The following GK5 variants were observed in gnomAD, a reference collection of about 807,000 sequenced individuals.
GK5 encodes glycerol kinase 5, also known as ATP:glycerol 3-phosphotransferase 5.
GK5 carries 39 observed loss-of-function variants against 77.3 expected under a neutral mutation model. The observed-to-expected ratio is 0.50, with a 90% CI of 0.39 to 0.66. The LOEUF (loss-of-function observed/expected upper bound fraction) is 0.66, where lower values mean the gene tolerates loss of function less well. GK5 is among the 30% of genes least tolerant of loss of function. The probability of loss-of-function intolerance (pLI) is 0.00; values close to 1 mark genes in which losing one functional copy is unlikely to be tolerated. For missense variants in GK5, 487 were observed against 633.8 expected (o/e 0.77, Z 2.49); for synonymous variants, 211 against 208.0 (o/e 1.01, Z -0.13).
At chr3:142,177,292 C>G (rs1464782659) in intron 12 of GK5, among the ~76,000 whole-genome samples, 190 bp downstream of exon 12, 1 of 152,220 alleles carries the variant, frequency 6.6e-6, no homozygotes, top group Non-Finnish European at 1.5e-5. Context: ...GGGCCACATT[C>G]AGGATGCTCT....
At chr3:142,201,457 T>A (rs1424893873) in intron 4 of GK5, among the ~76,000 whole-genome samples, 3 of 152,140 alleles carry the variant, frequency 2.0e-5, no homozygotes, top group Admixed American at 2.0e-4. Context: ...GAGGACAGAT[T>A]AGTGGTTGCC....
chr3:142,223,767 G>C (rs1577159839), intron 1 of GK5, among the ~76,000 whole-genome samples: 1 of 152,334 alleles, frequency 6.6e-6, no homozygotes, highest in South Asian at 2.1e-4. Flanking sequence ...GAACCTAGGA[G>C]GCAGAGGTTG....
At chr3:142,185,894 C>T in intron 9 of GK5, 35 bp downstream of exon 9, 5 of 1,571,756 alleles carry the variant, frequency 3.2e-6, no homozygotes, top group Admixed American at 1.8e-5. Flanking sequence ...TTAGTTTATA[C>T]TATACAAAGG....
chr3:142,190,353 T>C (rs1303178268), intron 5 of GK5, among the ~76,000 whole-genome samples: 3 of 152,092 alleles, frequency 2.0e-5, no homozygotes, highest in Non-Finnish European at 4.4e-5. Context: ...AGTCATTACT[T>C]ACATCCTCAC....
intron 1 of GK5, among the ~76,000 whole-genome samples, chr3:142,219,533 C>G (rs923270689): frequency 5.3e-5 from 8 of 152,088 alleles, no homozygotes; most frequent in Non-Finnish European, 1.2e-4. Flanking sequence ...GACTGTGTTA[C>G]GGAAAACAGA....
At chr3:142,173,061 G>A (rs2063559634) in intron 12 of GK5, 26 of 289,648 alleles carry the variant, frequency 9.0e-5, no homozygotes, top group South Asian at 8.4e-4. Flanking sequence ...AATATTAGCT[G>A]GGTGTGATAC....
intron 5 of GK5, among the ~76,000 whole-genome samples, chr3:142,196,342 T>C (rs1398395321): frequency 1.3e-5 from 2 of 151,986 alleles, no homozygotes; most frequent in Non-Finnish European, 2.9e-5. Context: ...TCTTTCCTTC[T>C]GCTTGTTTTG....
At chr3:142,206,126 C>T (rs747649247) in intron 3 of GK5, among the ~76,000 whole-genome samples, 9 of 152,128 alleles carry the variant, frequency 5.9e-5, no homozygotes, top group South Asian at 2.1e-4. Context: ...AATATTTCAA[C>T]GTATTTATAT....
chr3:142,196,126 G>T (rs1018398656), intron 5 of GK5, among the ~76,000 whole-genome samples: 16 of 151,898 alleles, frequency 1.1e-4, no homozygotes, highest in African/African-American at 3.9e-4. Flanking sequence ...ACTTGTTCAT[G>T]GTATTGCCTA....
chr3:142,199,395 T>G (rs902083802), intron 4 of GK5, among the ~76,000 whole-genome samples: 4 of 152,122 alleles, frequency 2.6e-5, no homozygotes, highest in African/African-American at 9.7e-5. Context: ...AGTAATAACA[T>G]CTATATAAAG....
At chr3:142,202,741 G>A (rs1577138409) in intron 4 of GK5, among the ~76,000 whole-genome samples, 1 of 152,158 alleles carries the variant, frequency 6.6e-6, no homozygotes, top group East Asian at 1.9e-4. Flanking sequence ...CGGATCACGT[G>A]AGGCTAGGAG....
chr3:142,206,062 G>C (rs2107792406), intron 3 of GK5, among the ~76,000 whole-genome samples: 1 of 152,206 alleles, frequency 6.6e-6, no homozygotes, highest in South Asian at 2.1e-4. Flanking sequence ...TAGCTTTCTA[G>C]ATTGATCCAT....
Position 142,162,587 on chromosome 3 carries a change from C to G in GK5, c.*3035G>C, listed in dbSNP as rs993225688. ...ATTCTCTTCCTTTATCAGACAGTTGCAGACCTTCTAAAAATATCTGATAGA... is the reference window on the plus strand; with the variant it reads ...ATTCTCTTCCTTTATCAGACAGTTGGAGACCTTCTAAAAATATCTGATAGA... On this transcript the variant is annotated 3_prime_UTR_variant, in exon 16 of 16. Transcript: ENST00000392993. 2.6e-5 allele frequency: 4 copies of G among 152,148 alleles called. No individual in the cohort carries two copies. Among genetic ancestry groups the G allele is most frequent in the African/African-American group, 4.8e-5 (2 of 41,432 alleles). 9.4% of individuals were successfully genotyped at this position (152,148 alleles called of 1,614,324 possible).
At chr3:142,190,015 C>CCACA (rs2063826742) in intron 5 of GK5, among the ~76,000 whole-genome samples, 1 of 152,092 alleles carries the variant, frequency 6.6e-6, no homozygotes, top group Non-Finnish European at 1.5e-5. Context: ...AAAAGACAGT[C>CCACA]CACAGTCCAT....
Position 142,160,812 on chromosome 3 carries a change from G to C in GK5, c.*4810C>G, listed in dbSNP as rs1464779107. The C allele has an allele frequency of 6.6e-6, 1 of 152,096 alleles. No individual in the cohort carries two copies. 9.4% of individuals were successfully genotyped at this position (152,096 alleles called of 1,614,324 possible). ...TAGCTCATAGCACCCTCAAACTCCT[G>C]TGTTCAAGCGATTCTCCTGCTTCGG... On this transcript the variant is annotated 3_prime_UTR_variant, in exon 16 of 16. Transcript: ENST00000392993.
chr3:142,221,155 G>A (rs1219710983), intron 1 of GK5, among the ~76,000 whole-genome samples: 2 of 152,076 alleles, frequency 1.3e-5, no homozygotes, highest in African/African-American at 4.8e-5. Context: ...GACAATATGG[G>A]GAGTATAAGT....
intron 5 of GK5, among the ~76,000 whole-genome samples, chr3:142,191,264 G>C (rs899421114): frequency 6.6e-6 from 1 of 151,868 alleles, no homozygotes. Context: ...TCCTGACCTC[G>C]TGATCCGCCC....
chr3:142,212,234 G>T (rs1286557152), intron 3 of GK5, among the ~76,000 whole-genome samples: 1 of 152,046 alleles, frequency 6.6e-6, no homozygotes, highest in East Asian at 1.9e-4. Flanking sequence ...GGATTTTGGG[G>T]GAGGGAATGT....
chr3:142,189,332 T>A (rs1478216236), intron 5 of GK5, among the ~76,000 whole-genome samples: 1 of 152,186 alleles, frequency 6.6e-6, no homozygotes, highest in Non-Finnish European at 1.5e-5. Context: ...ACAAATGACA[T>A]GAGTTCCAAA....
Sources: gnomAD v4.1 joint callset for allele counts (sites outside exome capture counted in the v4.1 genomes callset) on GRCh38, gnomAD v4.1.1 for gene constraint, MANE v1.5 for transcripts, NCBI Gene and HGNC (gene_info 2026-07-23, HGNC 2026-07-21) for gene names.